Variants in ZNF446 observed in about 807,000 individuals in gnomAD.
ZNF446 encodes zinc finger protein with KRAB and SCAN domains 20.
ZNF446 carries 42 observed loss-of-function variants against 34.0 expected under a neutral mutation model. That is an observed-to-expected ratio of 1.23 (90% CI 0.96 to 1.60). The LOEUF (loss-of-function observed/expected upper bound fraction) is 1.60, where lower values mean the gene tolerates loss of function less well. Ranked by LOEUF, ZNF446 falls within the 40% of genes most tolerant of loss-of-function variation. The pLI is 0.00. For synonymous variants in ZNF446, 315 were observed against 251.0 expected (o/e 1.25, Z -2.41); for missense variants, 650 against 600.2 (o/e 1.08, Z -0.87).
At chr19:58,478,345 G>A (rs1193232204) in intron 4 of ZNF446, among the ~76,000 whole-genome samples, 164 bp downstream of exon 4, 2 of 152,284 alleles carry the variant, frequency 1.3e-5, no homozygotes, top group African/African-American at 2.4e-5. Flanking sequence ...CTGGGGCAGA[G>A]GGACAGACTG....
the ZNF446 span, among the ~76,000 whole-genome samples, chr19:58,488,901 AG>A: frequency 6.6e-6 from 1 of 151,190 alleles, no homozygotes; most frequent in African/African-American, 2.4e-5. Flanking sequence ...GGTATTGGTG[AG>A]GAAATGAATA....
chr19:58,486,095 T>C (rs957337734), downstream of ZNF446, among the ~76,000 whole-genome samples: 19 of 143,496 alleles, frequency 1.3e-4, no homozygotes, highest in South Asian at 2.3e-4. Flanking sequence ...TTTCTTTTTT[T>C]TTTTTTTTTT....
At position 58,481,009 on chromosome 19, in the gene ZNF446, C is replaced by T. The variant is rs2053136150; in HGVS notation, c.*283C>T. On this transcript the variant is annotated 3_prime_UTR_variant, in exon 7 of 7. Transcript: ENST00000594369. The stretch of plus-strand genomic sequence containing the variant: ...TGACTGCCAAGCACCAGGCTCCCTC[C>T]CTCCCTGTGACATGGCCTGGGCTGA... The T allele has an allele frequency of 6.4e-6, 3 of 465,416 alleles. No homozygotes were observed. Among genetic ancestry groups the T allele is most frequent in the East Asian group, 7.1e-5 (2 of 28,088 alleles). 28.8% of individuals were successfully genotyped at this position (465,416 alleles called of 1,614,324 possible). A position where few individuals can be genotyped will look rare whatever the true frequency, so the allele number is the denominator to read the frequency against.
rs2053107454 is a variant in ZNF446, at chr19:58,478,300, G to A, written c.627+119G>A. ...ACTAGTGGCTCTTTGCTTCCCAGAA[G>A]TGGAGTCTGTAAAAGCTGTACCCCT... is the stretch of plus-strand genomic sequence containing the variant. On this transcript the variant is annotated intron_variant, in intron 4 of 6. Coordinates refer to ENST00000594369, the MANE Select transcript of ZNF446 (RefSeq NM_017908.4). The A allele has an allele frequency of 3.4e-6, 3 of 894,022 alleles. No homozygotes were observed. The South Asian group carries it at 5.3e-5, about 16-fold the overall frequency. 55.4% of individuals were successfully genotyped at this position (894,022 alleles called of 1,614,324 possible). A position where few individuals can be genotyped will look rare whatever the true frequency, so the allele number is the denominator to read the frequency against.
chr19:58,477,346 C>T lies in ZNF446; in HGVS notation c.128C>T (p.Ala43Val), dbSNP rs2053096302. 5.6e-6 allele frequency: 9 copies of T among 1,613,440 alleles called. No homozygotes were observed. Among genetic ancestry groups the T allele is most frequent in the Non-Finnish European group, 7.6e-6 (9 of 1,180,014 alleles). The change falls in exon 2 of 7, where the codon GCC becomes GTC. Residue 43 changes from alanine to valine, a missense_variant. Transcript: ENST00000594369. The stretch of plus-strand genomic sequence containing the variant: ...CAGGAGGTGGCAGGTCCCCGAGAAG[C>T]CCTGGCCCGGCTGCGTGAGCTGTGT... Reference protein sequence around the residue: ...CYQEVAGPREALARLRELCCQ... With the variant: ...CYQEVAGPREVLARLRELCCQ...
At chr19:58,482,463 T>G (rs1238614092), downstream of ZNF446, among the ~76,000 whole-genome samples, 3 of 152,114 alleles carry the variant, frequency 2.0e-5, no homozygotes, top group Admixed American at 6.5e-5. Flanking sequence ...ACAAGGGGCA[T>G]TTTCACAGGG....
At chr19:58,483,703 A>G (rs1260654647), downstream of ZNF446, 1 of 152,166 alleles carries the variant, frequency 6.6e-6, no homozygotes, top group East Asian at 1.9e-4. Context: ...GAGAGGGATG[A>G]TGGATGAAAT....
At chr19:58,487,018 T>TCTCAATCTC in the ZNF446 span, among the ~76,000 whole-genome samples, 253 of 151,784 alleles carry the variant, frequency 1.7e-3, 1 homozygote, top group Middle Eastern at 0.014. Context: ...GCCAGGATGG[T>TCTCAATCTC]CTGACCTTGT....
chr19:58,486,218 C>T (rs1050697534), downstream of ZNF446, among the ~76,000 whole-genome samples: 6 of 151,474 alleles, frequency 4.0e-5, no homozygotes, highest in East Asian at 1.9e-4. Context: ...ATCAGCCTCC[C>T]GATAGCTGAG....
Position 58,479,682 on chromosome 19 carries a change from T to TCCC in ZNF446, c.667_668insCCC (p.Tyr223delinsSerHis). The stretch of plus-strand genomic sequence containing the variant: ...GCTGGACCGGTCACAGAAGGAACTG[T>TCCC]ACTGGGATGCGATGCTGGAGAAGTA... On this transcript the variant is annotated protein_altering_variant, in exon 5 of 7. Coordinates refer to ENST00000594369, the MANE Select transcript of ZNF446 (RefSeq NM_017908.4). The TCCC allele has an allele frequency of 6.2e-7, 1 of 1,613,810 alleles. No individual in the cohort carries two copies. Among genetic ancestry groups the TCCC allele is most frequent in the Non-Finnish European group, 8.5e-7 (1 of 1,179,950 alleles).
rs900565566 is a variant in ZNF446 at position 58,480,185 on chromosome 19, G to A, written c.812G>A (p.Ser271Asn). Residue 271 changes from serine to asparagine, a missense_variant, in exon 7 of 7, where the codon AGT becomes AAT. By Grantham distance (46) the Ser-to-Asn change is conservative. Coordinates refer to ENST00000594369, the MANE Select transcript of ZNF446 (RefSeq NM_017908.4). This position sits in a 1 kb window ranked among gnomAD's most constrained non-coding sequence, Gnocchi z 7.2. ...VCRSLRSGNE[S>N]EGPPGCPEAQ... ...TTGCCCCTGCCCCCAGGAAATGAGA[G>A]TGAGGGTCCACCTGGCTGCCCAGAG... 6.3e-7 allele frequency: 1 copy of A among 1,593,978 alleles called. No individual in the cohort carries two copies. Among genetic ancestry groups the A allele is most frequent in the Non-Finnish European group, 8.5e-7 (1 of 1,177,352 alleles).
At chr19:58,488,061 C>G in the ZNF446 span, among the ~76,000 whole-genome samples, 3 of 150,622 alleles carry the variant, frequency 2.0e-5, no homozygotes, top group Non-Finnish European at 4.4e-5. Context: ...CTGCCTTGCC[C>G]GTGACCACAC....
the ZNF446 span, among the ~76,000 whole-genome samples, chr19:58,486,813 A>T: frequency 6.7e-6 from 1 of 149,864 alleles, no homozygotes; most frequent in African/African-American, 2.5e-5. Context: ...TCTTCTTTTT[A>T]TTTTTTTGAG....
downstream of ZNF446, among the ~76,000 whole-genome samples, chr19:58,484,091 G>A (rs1223328747): frequency 6.6e-6 from 1 of 151,888 alleles, no homozygotes; most frequent in Non-Finnish European, 1.5e-5. Flanking sequence ...AAAACTTATT[G>A]TACAATTCTG....
chr19:58,476,688 C>T (rs545456642), intron 1 of ZNF446, among the ~76,000 whole-genome samples, 184 bp downstream of exon 1: 24 of 152,296 alleles, frequency 1.6e-4, no homozygotes, highest in African/African-American at 5.3e-4. Context: ...CCACGTGCCC[C>T]CTCCCCAGAG....
chr19:58,488,498 A>G, the ZNF446 span, among the ~76,000 whole-genome samples: 1 of 152,186 alleles, frequency 6.6e-6, no homozygotes, highest in Non-Finnish European at 1.5e-5. Flanking sequence ...AGCCTTCAAA[A>G]TAGCAAGTTA....
rs750539629 is a variant in ZNF446, at chr19:58,480,531, ACGCT to A, written c.1160_1163del (p.Arg387HisfsTer226). On this transcript the variant is annotated frameshift_variant, in exon 7 of 7. Coordinates refer to ENST00000594369, the MANE Select transcript of ZNF446 (RefSeq NM_017908.4). LOFTEE classifies it low-confidence loss of function (END_TRUNC). The surrounding 1 kb of genome is among the most constrained non-coding windows in gnomAD (Gnocchi z 7.2). ...AGGTGGCCTTTCCGCACCACCCCCG[ACGCT>A]CACTCACAGGCCCCCGGAGTTACCC... is the stretch of plus-strand genomic sequence containing the variant. 9.3e-6 allele frequency: 15 copies of A among 1,612,478 alleles called. No individual in the cohort carries two copies. Among genetic ancestry groups the A allele is most frequent in the African/African-American group, 2.7e-5 (2 of 74,874 alleles).
At chr19:58,486,165 C>T (rs866800465), downstream of ZNF446, among the ~76,000 whole-genome samples, 6 of 140,906 alleles carry the variant, frequency 4.3e-5, no homozygotes, top group South Asian at 6.9e-4. Flanking sequence ...GTGATCTCGG[C>T]TCACTGCAAC....
At chr19:58,487,038 A>G in the ZNF446 span, among the ~76,000 whole-genome samples, 62 of 145,162 alleles carry the variant, frequency 4.3e-4, no homozygotes, top group South Asian at 1.3e-3. Context: ...TGATCCGTCC[A>G]CCTCGGCCTC....
Sources: allele counts gnomAD v4.1 joint callset (sites outside exome capture counted in the v4.1 genomes callset), GRCh38; gene constraint gnomAD v4.1.1; non-coding constraint Gnocchi (gnomAD v3.1); transcripts MANE v1.5; gene names NCBI Gene and HGNC (gene_info 2026-07-23, HGNC 2026-07-21).